ARHGAP39: variants seen among roughly 807,000 people sequenced by gnomAD.
ARHGAP39 encodes Rho GTPase activating protein 39, also known as rho GTPase-activating protein 39.
Under a neutral mutation model 106.9 loss-of-function variants are expected in ARHGAP39, and 44 were observed. The ratio of observed to expected loss-of-function variants is 0.41; its 90% CI spans 0.32 to 0.53. The LOEUF (loss-of-function observed/expected upper bound fraction) is 0.53. Among genes scored for constraint, ARHGAP39 ranks in the 20% least tolerant of loss-of-function variants. The pLI, the probability that ARHGAP39 is intolerant of heterozygous loss-of-function variation, is 0.21. For synonymous variants in ARHGAP39, 768 were observed against 693.2 expected, an observed-to-expected ratio of 1.11 and a Z score of -1.69; for missense variants, 1,496 against 1,577.3, an observed-to-expected ratio of 0.95 and a Z score of 0.87.
At chr8:144,648,578 C>T (rs548141837) in intron 1 of ARHGAP39, among the ~76,000 whole-genome samples, 8 of 152,220 alleles carry the variant, frequency 5.3e-5, no homozygotes, top group South Asian at 2.1e-4. Context: ...CTTTTTATTC[C>T]GAAAGGTAGA....
At chr8:144,605,848 A>G (rs1006830116) in intron 1 of ARHGAP39, 153 bp from the exon 2 acceptor site, 19 of 566,134 alleles carry the variant, frequency 3.4e-5, no homozygotes, top group Non-Finnish European at 6.0e-5. Flanking sequence ...CCCACTCCTC[A>G]GTGCTCCTGA....
intron 6 of ARHGAP39, 116 bp from the exon 7 acceptor site, chr8:144,537,929 G>C: frequency 1.2e-6 from 1 of 867,652 alleles, no homozygotes; most frequent in Non-Finnish European, 1.8e-6. Flanking sequence ...GGCTCACCCT[G>C]TGCAGCTGGG....
At chr8:144,602,267 CTG>C (rs1193544609) in intron 2 of ARHGAP39, among the ~76,000 whole-genome samples, 36 of 96,702 alleles carry the variant, frequency 3.7e-4, no homozygotes, top group Middle Eastern at 0.012. Context: ...GCTCATGTAC[CTG>C]TGTGTGTGCG....
intron 3 of ARHGAP39, among the ~76,000 whole-genome samples, chr8:144,570,223 AAAAC>A (rs750637456): frequency 1.1e-4 from 16 of 152,352 alleles, no homozygotes; most frequent in Middle Eastern, 3.4e-3. Context: ...TTCTGTCTCA[AAAAC>A]AAACAAACAA....
chr8:144,545,870 C>T (rs1351682566), intron 5 of ARHGAP39, 60 bp from the exon 6 acceptor site: 1 of 1,393,832 alleles, frequency 7.2e-7, no homozygotes, highest in African/African-American at 1.5e-5. Context: ...CAGGTGGGCC[C>T]ACTGGGCCAC....
At chr8:144,655,906 A>G (rs1289355756) in intron 1 of ARHGAP39, among the ~76,000 whole-genome samples, 2 of 152,228 alleles carry the variant, frequency 1.3e-5, no homozygotes, top group African/African-American at 4.8e-5. Context: ...AACCAGAAAG[A>G]GAAAACCTCA....
chr8:144,680,455 G>C (rs537651486), intron 1 of ARHGAP39, among the ~76,000 whole-genome samples: 1 of 152,296 alleles, frequency 6.6e-6, no homozygotes, highest in Non-Finnish European at 1.5e-5. Context: ...GAGTCTGCCA[G>C]GGGGCTGCAG....
intron 1 of ARHGAP39, among the ~76,000 whole-genome samples, chr8:144,611,673 T>C (rs1276065111): frequency 6.6e-6 from 1 of 152,226 alleles, no homozygotes; most frequent in Non-Finnish European, 1.5e-5. Context: ...GAGTTAGAAT[T>C]GTGTAACATT....
chr8:144,685,076 C>A (rs1822544424), intron 1 of ARHGAP39, among the ~76,000 whole-genome samples: 1 of 152,092 alleles, frequency 6.6e-6, no homozygotes, highest in Admixed American at 6.5e-5. Context: ...GCACCCACAC[C>A]CACCACGGGC....
chr8:144,600,741 G>A (rs900025343), intron 2 of ARHGAP39, among the ~76,000 whole-genome samples: 20 of 150,966 alleles, frequency 1.3e-4, no homozygotes, highest in Admixed American at 3.3e-4. Flanking sequence ...TGTTCAAGGC[G>A]TGCGTGCGCA....
At chr8:144,692,040 G>T in the ARHGAP39 span, among the ~76,000 whole-genome samples, 2 of 152,010 alleles carry the variant, frequency 1.3e-5, no homozygotes, top group East Asian at 1.9e-4. Context: ...AACTGAAGAG[G>T]ACTCACTGGA....
Position 144,647,951 on chromosome 8 carries a change from T to C in ARHGAP39, c.-82+37735A>G, listed in dbSNP as rs1033550476. 1.3e-5 allele frequency among the ~76,000 whole-genome samples: 2 copies of C among 152,226 alleles called. No homozygotes were observed. The highest frequency in any genetic ancestry group is 2.9e-5 in the Non-Finnish European group (2 of 68,028). On this transcript the variant is annotated intron_variant, in intron 1 of 11. Transcript: ENST00000377307. This position sits in a 1 kb window ranked among gnomAD's most constrained non-coding sequence, Gnocchi z 4.8. The stretch of plus-strand genomic sequence containing the variant: ...CTGGAGGGCTGAAAACATGTATAAA[T>C]TCCTGGTACAATTTCTACAAAATGG...
At chr8:144,652,214 G>C (rs112551434) in intron 1 of ARHGAP39, among the ~76,000 whole-genome samples, 1 of 151,486 alleles carries the variant, frequency 6.6e-6, no homozygotes, top group African/African-American at 2.4e-5. Context: ...GCAAGACCCC[G>C]TCTCAAAAAT....
chr8:144,530,909 C>A (rs539971387), intron 10 of ARHGAP39, 38 bp from the exon 11 acceptor site: 1 of 1,583,116 alleles, frequency 6.3e-7, no homozygotes, highest in Non-Finnish European at 8.6e-7. Context: ...CCCTGCTCGG[C>A]GGGCACCCCT....
chr8:144,542,949 A>C (rs1209304116), intron 6 of ARHGAP39, among the ~76,000 whole-genome samples: 2 of 147,834 alleles, frequency 1.4e-5, no homozygotes, highest in Non-Finnish European at 1.5e-5. Context: ...TCTAACTCCA[A>C]AAAAAAAGGG....
chr8:144,540,882 T>G (rs1029013310), intron 6 of ARHGAP39, among the ~76,000 whole-genome samples: 4 of 152,238 alleles, frequency 2.6e-5, no homozygotes, highest in African/African-American at 9.6e-5. Flanking sequence ...GAAACAGTCT[T>G]GCTCTGTTGC....
intron 1 of ARHGAP39, among the ~76,000 whole-genome samples, chr8:144,649,163 G>A (rs1402636401): frequency 2.6e-5 from 4 of 152,104 alleles, no homozygotes; most frequent in African/African-American, 9.7e-5. Flanking sequence ...GAAATGACAG[G>A]CCAGGTGCGG....
chr8:144,568,859 G>C (rs977719843), intron 3 of ARHGAP39, among the ~76,000 whole-genome samples: 1 of 150,706 alleles, frequency 6.6e-6, no homozygotes, highest in Non-Finnish European at 1.5e-5. Flanking sequence ...TAAAATGCTC[G>C]ATTAGTGCAG....
At chr8:144,602,762 G>A (rs964884524) in intron 2 of ARHGAP39, among the ~76,000 whole-genome samples, 1 of 142,468 alleles carries the variant, frequency 7.0e-6, no homozygotes, top group Non-Finnish European at 1.5e-5. Context: ...GTGAGCTCGT[G>A]TACCTGTGTG....
Sources: gnomAD v4.1 joint callset for allele counts (sites outside exome capture counted in the v4.1 genomes callset) on GRCh38, gnomAD v4.1.1 for gene constraint, Gnocchi (gnomAD v3.1) non-coding constraint, MANE v1.5 for transcripts, NCBI Gene and HGNC (gene_info 2026-07-23, HGNC 2026-07-21) for gene names.